The following CTNNA3 variants were observed in gnomAD, a reference collection of about 807,000 sequenced individuals.
CTNNA3 encodes the protein catenin alpha 3.
Under a neutral mutation model 95.7 loss-of-function variants are expected in CTNNA3, and 76 were observed. The ratio of observed to expected loss-of-function variants is 0.79; its 90% CI spans 0.66 to 0.96. CTNNA3 has a LOEUF of 0.96. Among genes scored for constraint, CTNNA3 ranks in the 40% least tolerant of loss-of-function variants. The pLI is 0.00. For missense variants in CTNNA3, 1,191 were observed against 1,089.8 expected (o/e 1.09, Z -1.31); for synonymous variants, 431 against 374.4 (o/e 1.15, Z -1.74).
chr10:66,488,880 G>A (rs1211875740), intron 11 of CTNNA3, among the ~76,000 whole-genome samples: 2 of 151,714 alleles, frequency 1.3e-5, no homozygotes, highest in East Asian at 1.9e-4. Flanking sequence ...AACTTTACAT[G>A]CAAGGACATA....
chr10:67,695,344 G>C (rs1840943541), intron 1 of CTNNA3, among the ~76,000 whole-genome samples: 1 of 152,048 alleles, frequency 6.6e-6, no homozygotes, highest in African/African-American at 2.4e-5. Flanking sequence ...CCGTGTAACT[G>C]ACAGCAGCTG....
chr10:66,036,316 T>A (rs2079562439), intron 15 of CTNNA3, among the ~76,000 whole-genome samples: 1 of 152,110 alleles, frequency 6.6e-6, no homozygotes, highest in South Asian at 2.1e-4. Flanking sequence ...CCTCAGTAAG[T>A]CTCTAGACGG....
chr10:67,361,008 C>T (rs1160354972), intron 5 of CTNNA3, among the ~76,000 whole-genome samples: 1 of 149,304 alleles, frequency 6.7e-6, no homozygotes, highest in South Asian at 2.1e-4. Flanking sequence ...AAACCATCTA[C>T]AGTAAAAAAA....
At chr10:67,286,500 T>A (rs1360792086) in intron 5 of CTNNA3, among the ~76,000 whole-genome samples, 1 of 152,220 alleles carries the variant, frequency 6.6e-6, no homozygotes. Context: ...AAGATTACAT[T>A]ATATAGCTCA....
intron 5 of CTNNA3, among the ~76,000 whole-genome samples, chr10:67,408,461 AC>A (rs1845231193): frequency 6.6e-6 from 1 of 152,102 alleles, no homozygotes; most frequent in South Asian, 2.1e-4. Flanking sequence ...TATTCAACAA[AC>A]CTGACAAAAA....
chr10:65,996,150 T>G (rs759243290), intron 15 of CTNNA3, among the ~76,000 whole-genome samples: 9 of 152,108 alleles, frequency 5.9e-5, no homozygotes, highest in African/African-American at 1.4e-4. Context: ...AAGTATACGC[T>G]TCAGTGTCCA....
chr10:66,274,887 A>G (rs1333008044), intron 13 of CTNNA3, among the ~76,000 whole-genome samples: 1 of 152,158 alleles, frequency 6.6e-6, no homozygotes, highest in Non-Finnish European at 1.5e-5. Context: ...CCCTTCAGAT[A>G]TTTAGGTGTT....
intron 5 of CTNNA3, among the ~76,000 whole-genome samples, chr10:67,440,802 T>C (rs1181746168): frequency 6.6e-6 from 1 of 151,810 alleles, no homozygotes; most frequent in Non-Finnish European, 1.5e-5. Context: ...TCCCTTCAAA[T>C]ACCTGGGAAG....
chr10:67,690,898 G>A lies in CTNNA3; in HGVS notation c.-6+5102C>T, dbSNP rs578211576. 1.2e-3 allele frequency among the ~76,000 whole-genome samples: 188 copies of A among 151,876 alleles called. 1 individual carries two copies. Among genetic ancestry groups the A allele is most frequent in the Non-Finnish European group, 2.0e-3 (133 of 67,934 alleles). On this transcript the variant is annotated intron_variant, in intron 1 of 17. Transcript: ENST00000433211. ...TCCGTCTCTGTCTCCCTCTCCCCAC[G>A]GTCTCCCTCTCCCTCTCTTTCCACG...
chr10:66,725,851 A>G (rs1848764269), intron 9 of CTNNA3, among the ~76,000 whole-genome samples: 1 of 152,056 alleles, frequency 6.6e-6, no homozygotes, highest in Non-Finnish European at 1.5e-5. Flanking sequence ...CACCCCTCTC[A>G]CTTTTAGCAC....
At chr10:66,302,449 T>C (rs566551061) in intron 12 of CTNNA3, among the ~76,000 whole-genome samples, 5 of 152,204 alleles carry the variant, frequency 3.3e-5, no homozygotes, top group Admixed American at 2.0e-4. Flanking sequence ...CATGACAGCA[T>C]TGTGTTTGTA....
At chr10:66,677,238 T>C (rs925733354) in intron 9 of CTNNA3, among the ~76,000 whole-genome samples, 7 of 151,090 alleles carry the variant, frequency 4.6e-5, no homozygotes, top group African/African-American at 1.7e-4. Flanking sequence ...GTTCAGCATA[T>C]TATTTAAGTG....
intron 3 of CTNNA3, among the ~76,000 whole-genome samples, chr10:67,595,153 T>C (rs1227375769): frequency 1.3e-5 from 2 of 152,240 alleles, no homozygotes; most frequent in Non-Finnish European, 2.9e-5. Context: ...GCTCTGATTT[T>C]GGTTATTTCT....
chr10:67,242,737 A>G (rs965178866), intron 5 of CTNNA3, among the ~76,000 whole-genome samples: 1 of 152,196 alleles, frequency 6.6e-6, no homozygotes, highest in African/African-American at 2.4e-5. Context: ...TCCGGGCCTG[A>G]TGAGCCTACA....
At chr10:67,426,601 A>G (rs1845931180) in intron 5 of CTNNA3, among the ~76,000 whole-genome samples, 1 of 152,048 alleles carries the variant, frequency 6.6e-6, no homozygotes, top group African/African-American at 2.4e-5. Flanking sequence ...ATGGGAATTG[A>G]ACAATGAGAA....
intron 17 of CTNNA3, among the ~76,000 whole-genome samples, chr10:65,920,991 T>C (rs988201959): frequency 6.6e-6 from 1 of 152,208 alleles, no homozygotes; most frequent in Non-Finnish European, 1.5e-5. Flanking sequence ...CTTATGCTAA[T>C]TATGTAATGT....
intron 5 of CTNNA3, among the ~76,000 whole-genome samples, chr10:67,250,316 C>T (rs112750339): frequency 6.6e-6 from 1 of 151,884 alleles, no homozygotes. Context: ...CCCAGGTTCA[C>T]GTCATTCTCC....
chr10:67,141,302 G>T (rs1420460505), intron 7 of CTNNA3, among the ~76,000 whole-genome samples: 2 of 107,646 alleles, frequency 1.9e-5, no homozygotes, highest in Non-Finnish European at 3.9e-5. Context: ...GGCACTCTAA[G>T]ATTTTTTTTT....
intron 1 of CTNNA3, among the ~76,000 whole-genome samples, chr10:67,689,529 T>C (rs935587079): frequency 2.6e-5 from 4 of 152,148 alleles, no homozygotes; most frequent in African/African-American, 4.8e-5. Flanking sequence ...AGGAAGTTTG[T>C]CTGACAGGCA....
Sources: gnomAD v4.1 joint callset for allele counts (sites outside exome capture counted in the v4.1 genomes callset) on GRCh38, gnomAD v4.1.1 for gene constraint, MANE v1.5 for transcripts, NCBI Gene and HGNC (gene_info 2026-07-23, HGNC 2026-07-21) for gene names.